EYA3: variants seen among roughly 807,000 people sequenced by gnomAD.
The protein encoded by EYA3 is protein phosphatase EYA3.
Under a neutral mutation model 80.0 loss-of-function variants are expected in EYA3, and 39 were observed. That is an observed-to-expected ratio of 0.49 (90% confidence interval 0.38 to 0.64). The LOEUF is 0.64. Ranked by LOEUF, EYA3 falls within the 30% of genes least tolerant of loss-of-function variation. The probability of loss-of-function intolerance (pLI) is 0.00; values close to 1 mark genes in which losing one functional copy is unlikely to be tolerated. For synonymous variants in EYA3, 206 were observed against 232.8 expected (o/e 0.88, Z 1.05); for missense variants, 523 against 676.1 (o/e 0.77, Z 2.51).
chr1:27,985,194 C>T (rs1557526662), intron 16 of EYA3, among the ~76,000 whole-genome samples: 1 of 152,114 alleles, frequency 6.6e-6, no homozygotes. Flanking sequence ...TGTCCCACCT[C>T]AGCCTCCCAA....
At chr1:28,033,433 C>T (rs1643261881) in intron 6 of EYA3, among the ~76,000 whole-genome samples, 1 of 152,010 alleles carries the variant, frequency 6.6e-6, no homozygotes, top group South Asian at 2.1e-4. Flanking sequence ...TACTTAAAGT[C>T]AAATTTAAGC....
At chr1:27,984,198 G>A (rs922839510) in intron 16 of EYA3, among the ~76,000 whole-genome samples, 5 of 151,818 alleles carry the variant, frequency 3.3e-5, no homozygotes, top group African/African-American at 4.8e-5. Flanking sequence ...CACCACACCC[G>A]GCTAATTTTT....
intron 7 of EYA3, among the ~76,000 whole-genome samples, chr1:28,022,384 G>C (rs1020520284): frequency 6.6e-6 from 1 of 151,802 alleles, no homozygotes. Flanking sequence ...TCCTGACCTC[G>C]TGATCTGCCT....
chr1:28,040,241 G>A (rs1234698325), intron 4 of EYA3, among the ~76,000 whole-genome samples: 1 of 152,190 alleles, frequency 6.6e-6, no homozygotes, highest in Admixed American at 6.5e-5. Flanking sequence ...AAAACTAACA[G>A]GACATTCTGA....
intron 17 of EYA3, among the ~76,000 whole-genome samples, chr1:27,978,013 T>C (rs1005430457): frequency 6.6e-6 from 1 of 152,128 alleles, no homozygotes; most frequent in East Asian, 1.9e-4. Context: ...ACTTGAAGCA[T>C]GGAAAAGAAA....
chr1:28,048,448 G>C, intron 2 of EYA3, 22 bp from the exon 3 acceptor site: 1 of 1,596,992 alleles, frequency 6.3e-7, no homozygotes, highest in Non-Finnish European at 8.6e-7. Context: ...AATATACAAA[G>C]GTATCAATGT....
chr1:28,085,480 C>CA (rs937889813), intron 1 of EYA3, among the ~76,000 whole-genome samples: 27 of 151,880 alleles, frequency 1.8e-4, no homozygotes, highest in African/African-American at 6.5e-4. Flanking sequence ...AACAAACAAA[C>CA]AAAAAACTAC....
chr1:27,990,711 C>G (rs1295991726), intron 14 of EYA3, among the ~76,000 whole-genome samples: 3 of 152,004 alleles, frequency 2.0e-5, no homozygotes, highest in Non-Finnish European at 4.4e-5. Context: ...TGCCACCACA[C>G]CCAGCTAATT....
intron 2 of EYA3, among the ~76,000 whole-genome samples, chr1:28,052,210 C>A (rs1644276730): frequency 6.6e-6 from 1 of 152,120 alleles, no homozygotes; most frequent in South Asian, 2.1e-4. Flanking sequence ...GGGGTTTCAC[C>A]ATGTTGGCCA....
chr1:28,075,016 C>T (rs950427038), intron 1 of EYA3, among the ~76,000 whole-genome samples: 1 of 152,136 alleles, frequency 6.6e-6, no homozygotes, highest in Non-Finnish European at 1.5e-5. Context: ...TGCTTAAAAC[C>T]AGTATAAGAC....
At chr1:28,015,531 A>AAAAC (rs1159756651) in intron 8 of EYA3, among the ~76,000 whole-genome samples, 1 of 152,204 alleles carries the variant, frequency 6.6e-6, no homozygotes, top group Admixed American at 6.5e-5. Flanking sequence ...TCTGTCTCAA[A>AAAAC]AAACAAACAA....
At chr1:28,016,925 A>T (rs1448885918) in intron 8 of EYA3, among the ~76,000 whole-genome samples, 1 of 152,240 alleles carries the variant, frequency 6.6e-6, no homozygotes, top group Non-Finnish European at 1.5e-5. Flanking sequence ...AAATACAGTA[A>T]AGAAACAGAC....
intron 1 of EYA3, among the ~76,000 whole-genome samples, chr1:28,062,530 TTC>T (rs1241850777): frequency 1.3e-5 from 2 of 152,194 alleles, no homozygotes; most frequent in Admixed American, 1.3e-4. Context: ...ACCTCATAGT[TTC>T]TGTTTTGTCC....
chr1:28,036,379 G>A (rs916361571), intron 5 of EYA3, among the ~76,000 whole-genome samples: 2 of 152,128 alleles, frequency 1.3e-5, no homozygotes, highest in Non-Finnish European at 2.9e-5. Flanking sequence ...ATTGGCAATT[G>A]GCTCTCATTC....
At chr1:28,010,814 A>G in intron 10 of EYA3, 133 bp downstream of exon 10, 1 of 1,027,614 alleles carries the variant, frequency 9.7e-7, no homozygotes, top group Non-Finnish European at 1.4e-6. Flanking sequence ...TGGCCAATTT[A>G]GTTTATTTTG....
Position 28,038,859 on chromosome 1 carries a change from G to A in EYA3, c.204C>T (p.Thr68=), listed in dbSNP as rs1216346218. The change falls in exon 5 of 18, where the codon ACC becomes ACT. Residue 68 remains threonine (T), a synonymous_variant. Coordinates refer to ENST00000373871, the MANE Select transcript of EYA3 (RefSeq NM_001990.4). ...DYIPRSSNDY[T]SQMYSAKPYA... The stretch of plus-strand genomic sequence containing the variant: ...CTTACTTTGCAGAATACATTTGTGA[G>A]GTATAATCATTGGATGAGCGAGGGA... 2 of 1,595,878 alleles carry A rather than the reference G, an allele frequency of 1.3e-6. No homozygotes were observed. Among genetic ancestry groups the A allele is most frequent in the East Asian group, 2.2e-5 (1 of 44,522 alleles).
chr1:28,021,665 A>G (rs1043803916), intron 7 of EYA3, among the ~76,000 whole-genome samples: 9 of 150,858 alleles, frequency 6.0e-5, no homozygotes, highest in South Asian at 2.1e-4. Flanking sequence ...GTGCAGTGGT[A>G]TGATCTTGGC....
At chr1:28,065,376 G>C (rs935566633) in intron 1 of EYA3, among the ~76,000 whole-genome samples, 1 of 151,970 alleles carries the variant, frequency 6.6e-6, no homozygotes, top group African/African-American at 2.4e-5. Context: ...GGGTTCAAGC[G>C]ATTCCCCTGC....
chr1:28,057,952 C>A, intron 2 of EYA3, 42 bp downstream of exon 2: 1 of 1,205,940 alleles, frequency 8.3e-7, no homozygotes, highest in Non-Finnish European at 1.2e-6. Flanking sequence ...TTAAGATTAG[C>A]TCTTCTACAA....
Sources: allele counts gnomAD v4.1 joint callset (sites outside exome capture counted in the v4.1 genomes callset), GRCh38; gene constraint gnomAD v4.1.1; transcripts MANE v1.5; gene names NCBI Gene and HGNC (gene_info 2026-07-23, HGNC 2026-07-21).